Variants in CST8 observed in about 807,000 individuals in gnomAD.
CST8 encodes the protein cystatin 8, also known as cystatin-8.
In CST8, 20 loss-of-function variants were observed where a neutral mutation model predicts 11.8. The ratio of observed to expected loss-of-function variants is 1.70; its 90% CI spans 1.20 to 2.47. The LOEUF is 2.47. Among genes scored for constraint, CST8 ranks in the 30% most tolerant of loss-of-function variants. The pLI is 0.00. For missense variants in CST8, 196 were observed against 167.2 expected, an observed-to-expected ratio of 1.17 and a Z score of -0.95; for synonymous variants, 77 against 63.1, an observed-to-expected ratio of 1.22 and a Z score of -1.05.
At chr20:23,503,009 A>G in the CST8 span, among the ~76,000 whole-genome samples, 1 of 152,104 alleles carries the variant, frequency 6.6e-6, no homozygotes, top group Non-Finnish European at 1.5e-5. Context: ...TTTTTAAAGG[A>G]GCAATCATGG....
At chr20:23,498,632 C>T (rs936097760), downstream of CST8, among the ~76,000 whole-genome samples, 6 of 152,206 alleles carry the variant, frequency 3.9e-5, no homozygotes, top group Non-Finnish European at 7.3e-5. Context: ...CTCTTCAGCC[C>T]CTGCCTGTGG....
intron 2 of CST8, among the ~76,000 whole-genome samples, chr20:23,492,649 GAGCATGC>G (rs1987923804): frequency 1.3e-5 from 2 of 152,182 alleles, no homozygotes; most frequent in Admixed American, 1.3e-4. Flanking sequence ...AGTCCTCACT[GAGCATGC>G]AGCATGCCCT....
rs577066818 is a variant in CST8 at position 23,494,931 on chromosome 20, G to A, written c.346-900G>A. Among the ~76,000 whole-genome samples, 4 of 152,170 alleles carry A rather than the reference G, an allele frequency of 2.6e-5. No individual in the cohort carries two copies. In the East Asian group the frequency reaches 5.8e-4, roughly 22 times the overall value. On this transcript the variant is annotated intron_variant, in intron 3 of 3. Coordinates refer to ENST00000246012, the MANE Select transcript of CST8 (RefSeq NM_005492.4). Reference sequence around the variant, plus strand: ...CACACAGGTAGTAAGCACAGTACCCGATATGGTATTTTTTTCTGATCCTCT... The same window carrying A: ...CACACAGGTAGTAAGCACAGTACCCAATATGGTATTTTTTTCTGATCCTCT...
downstream of CST8, among the ~76,000 whole-genome samples, chr20:23,498,498 C>G (rs1253608417): frequency 2.0e-5 from 3 of 152,202 alleles, no homozygotes; most frequent in African/African-American, 7.2e-5. Context: ...ACTTTTTCCT[C>G]TGGTTCCTCT....
At chr20:23,505,136 ATTCT>A in the CST8 span, among the ~76,000 whole-genome samples, 1 of 128,884 alleles carries the variant, frequency 7.8e-6, no homozygotes, top group Non-Finnish European at 1.6e-5. Context: ...GGCAAGAAGC[ATTCT>A]TTTTTTTTTT....
chr20:23,491,881 C>T lies in CST8; in HGVS notation c.214C>T (p.Leu72=). The change falls in exon 2 of 4, where the codon CTG becomes TTG. Residue 72 remains leucine, a synonymous_variant. Transcript: ENST00000246012. ...GTATGTCTTCCTGGTGGTCAAGACA[C>T]TGCAAGCCCAGCTTCAGGTAAAGGT... is the stretch of plus-strand genomic sequence containing the variant. ...DKYVFLVVKT[L]QAQLQVTNLL... is the part of the protein sequence containing the mutation. 6.2e-7 allele frequency: 1 copy of T among 1,613,892 alleles called. No individual in the cohort carries two copies. Among genetic ancestry groups the T allele is most frequent in the Non-Finnish European group, 8.5e-7 (1 of 1,179,752 alleles).
At position 23,493,015 on chromosome 20, in the gene CST8, A is replaced by C. The variant is rs150668998; in HGVS notation, c.289A>C (p.Lys97Gln). 20 of 1,613,826 alleles carry C rather than the reference A, an allele frequency of 1.2e-5. No individual in the cohort carries two copies. The African/African-American group carries it at 1.9e-4, about 15-fold the overall frequency. ...AGAAATTGCCCGCAGCGATTGCAGA[A>C]AGCCTTTAAGCACTAATGAAATCTG... Reference protein sequence around the residue: ...DVEIARSDCRKPLSTNEICAI... With the variant: ...DVEIARSDCRQPLSTNEICAI... Residue 97 changes from lysine (K) to glutamine (Q), a missense_variant, in exon 3 of 4, where the codon AAG becomes CAG. Physicochemically the swap from Lys to Gln is moderately conservative, Grantham distance 53. Transcript: ENST00000246012.
chr20:23,505,235 C>T, the CST8 span, among the ~76,000 whole-genome samples: 1 of 150,526 alleles, frequency 6.6e-6, no homozygotes, highest in Non-Finnish European at 1.5e-5. Flanking sequence ...ACCTCCGCCT[C>T]CCAGGTTTAA....
chr20:23,500,773 AG>A (rs1239026404), downstream of CST8, among the ~76,000 whole-genome samples: 1 of 24,468 alleles, frequency 4.1e-5, no homozygotes, highest in African/African-American at 1.7e-4. Context: ...GGGGGGGTGC[AG>A]GTGAAGGGTG....
chr20:23,493,662 G>T (rs1291595394), intron 3 of CST8, among the ~76,000 whole-genome samples: 1 of 152,174 alleles, frequency 6.6e-6, no homozygotes. Flanking sequence ...ACAAAAGGAG[G>T]ACTTGGCCCA....
intron 3 of CST8, 127 bp downstream of exon 3, chr20:23,493,198 C>G: frequency 1.5e-6 from 1 of 673,440 alleles, no homozygotes; most frequent in Non-Finnish European, 2.6e-6. Context: ...ATAGCCAACC[C>G]TGTGGCCTTT....
In CST8 at chr20:23,491,874, C is replaced by T; in HGVS notation, c.207C>T (p.Val69=). Residue 69 remains valine (V), a synonymous_variant, in exon 2 of 4, where the codon GTC becomes GTT. Coordinates refer to ENST00000246012, the MANE Select transcript of CST8 (RefSeq NM_005492.4). Reference sequence around the variant, plus strand: ...AGGACAAGTATGTCTTCCTGGTGGTCAAGACACTGCAAGCCCAGCTTCAGG... The same window carrying T: ...AGGACAAGTATGTCTTCCTGGTGGTTAAGACACTGCAAGCCCAGCTTCAGG... The part of the protein sequence containing the change: ...ESEDKYVFLV[V]KTLQAQLQVT... The T allele has an allele frequency of 1.2e-6, 2 of 1,613,944 alleles. No individual in the cohort carries two copies. Among genetic ancestry groups the T allele is most frequent in the Non-Finnish European group, 8.5e-7 (1 of 1,179,840 alleles).
In CST8 at chr20:23,495,999, G is replaced by T. The variant is rs1988038002; in HGVS notation, c.*85G>T. ...TGGCAGGTGGGAGGCTCTTCCCAATGTGCTTTCTTCATGCATGCCTCTCTG... is the reference window on the plus strand; with the variant it reads ...TGGCAGGTGGGAGGCTCTTCCCAATTTGCTTTCTTCATGCATGCCTCTCTG... On this transcript the variant is annotated 3_prime_UTR_variant, in exon 4 of 4. Transcript: ENST00000246012. 1.9e-6 allele frequency: 2 copies of T among 1,075,774 alleles called. No homozygotes were observed. The highest frequency in any genetic ancestry group is 4.8e-5 in the East Asian group (2 of 41,672). 66.6% of individuals were successfully genotyped at this position (1,075,774 alleles called of 1,614,324 possible). A position where few individuals can be genotyped will look rare whatever the true frequency, so the allele number is the denominator to read the frequency against.
the CST8 span, among the ~76,000 whole-genome samples, chr20:23,502,246 C>A: frequency 6.6e-6 from 1 of 152,116 alleles, no homozygotes; most frequent in Non-Finnish European, 1.5e-5. Context: ...GCCCATGAGA[C>A]CAAATAGTTT....
In CST8 at chr20:23,491,779, G is replaced by T. The variant is rs374280249; in HGVS notation, c.112G>T (p.Val38Phe). ...ETGVLRKLKP[V>F]NASNANVKQC... Reference sequence around the variant, plus strand: ...AGGGGTGCTGAGGAAATTAAAACCCGTCAATGCCTCAAATGCCAACGTGAA... The same window carrying T: ...AGGGGTGCTGAGGAAATTAAAACCCTTCAATGCCTCAAATGCCAACGTGAA... Residue 38 changes from valine to phenylalanine, a missense_variant, in exon 2 of 4, where the codon GTC becomes TTC. By Grantham distance (50) the Val-to-Phe change is conservative (BLOSUM62 -1). Transcript: ENST00000246012. 1.2e-6 allele frequency: 2 copies of T among 1,614,108 alleles called. No homozygotes were observed. Among genetic ancestry groups the T allele is most frequent in the South Asian group, 1.1e-5 (1 of 91,082 alleles).
the CST8 span, among the ~76,000 whole-genome samples, chr20:23,507,028 T>C: frequency 1.3e-5 from 2 of 152,230 alleles, no homozygotes; most frequent in Admixed American, 6.5e-5. Flanking sequence ...TGTTCACACA[T>C]GTCCCAGTAT....
At chr20:23,498,489 C>A (rs1407040272), downstream of CST8, among the ~76,000 whole-genome samples, 1 of 152,194 alleles carries the variant, frequency 6.6e-6, no homozygotes, top group Admixed American at 6.5e-5. Flanking sequence ...CCTCAAACTA[C>A]TTTTTCCTCT....
the CST8 span, among the ~76,000 whole-genome samples, chr20:23,506,267 C>T: frequency 6.6e-6 from 1 of 152,128 alleles, no homozygotes; most frequent in Non-Finnish European, 1.5e-5. Flanking sequence ...ACACAGCATG[C>T]CTATGCGAGG....
intron 2 of CST8, 92 bp downstream of exon 2, chr20:23,491,990 T>G: frequency 1.0e-6 from 1 of 974,264 alleles, no homozygotes; most frequent in Non-Finnish European, 1.6e-6. Context: ...AAAATATCAC[T>G]ATGCAAAAAT....
Sources: gnomAD v4.1 joint callset for allele counts (sites outside exome capture counted in the v4.1 genomes callset) on GRCh38, gnomAD v4.1.1 for gene constraint, MANE v1.5 for transcripts, NCBI Gene and HGNC (gene_info 2026-07-23, HGNC 2026-07-21) for gene names.